Variants in ISLR2 observed in about 807,000 individuals in gnomAD.
The protein encoded by ISLR2 is immunoglobulin superfamily containing leucine-rich repeat protein 2.
In ISLR2, 16 loss-of-function variants were observed where a neutral mutation model predicts 25.5. That is an observed-to-expected ratio of 0.63 (90% CI 0.43 to 0.95). The LOEUF (loss-of-function observed/expected upper bound fraction) is 0.95. Ranked by LOEUF, ISLR2 falls within the 40% of genes least tolerant of loss-of-function variation. The pLI is 0.00. For missense variants in ISLR2, 883 were observed against 1,030.7 expected (o/e 0.86, Z 1.96); for synonymous variants, 508 against 486.6 (o/e 1.04, Z -0.58).
rs533474834 is a variant in ISLR2, at chr15:74,134,277, G to T, written c.1523G>T (p.Arg508Leu). The change falls in exon 3 of 3, where the codon CGC (arginine) becomes CTC (leucine). Residue 508 changes from arginine (R) to leucine (L), a missense_variant. Physicochemically the swap from Arg to Leu is moderately radical, Grantham distance 102. Coordinates refer to ENST00000453268, the MANE Select transcript of ISLR2 (RefSeq NM_020851.3). ...ARVQLTPLAA[R>L]WGPGPGGAGG... Reference sequence around the variant, plus strand: ...GTGCAGCTGACTCCGCTGGCTGCGCGCTGGGGCCCTGGGCCCGGCGGGGCT... The same window carrying T: ...GTGCAGCTGACTCCGCTGGCTGCGCTCTGGGGCCCTGGGCCCGGCGGGGCT... 5.0e-5 allele frequency: 77 copies of T among 1,553,340 alleles called. No homozygotes were observed. In the African/African-American group the frequency reaches 8.3e-4, roughly 17 times the overall value.
In ISLR2 at chr15:74,135,920, C is replaced by G. The variant is rs2072557802; in HGVS notation, c.*928C>G. 1 of 167,094 alleles carries G rather than the reference C, an allele frequency of 6.0e-6. No individual in the cohort carries two copies. Among genetic ancestry groups the G allele is most frequent in the Non-Finnish European group, 1.5e-5 (1 of 68,146 alleles). 10.4% of individuals were successfully genotyped at this position (167,094 alleles called of 1,614,324 possible). A position where few individuals can be genotyped will look rare whatever the true frequency, so the allele number is the denominator to read the frequency against. On this transcript the variant is annotated 3_prime_UTR_variant, in exon 3 of 3. Coordinates refer to ENST00000453268, the MANE Select transcript of ISLR2 (RefSeq NM_020851.3). The stretch of plus-strand genomic sequence containing the variant: ...TCCTTCTGTCCTCCCACCCCCACCC[C>G]ACTTCTGGCCAGTTGGAGTCCAGCC...
At chr15:74,103,898 T>A (rs1427704454) in exon 2 of ISLR2, 1 of 150,746 alleles carries the variant, frequency 6.6e-6, no homozygotes, top group African/African-American at 2.4e-5. Flanking sequence ...TGTGAAGAGG[T>A]GTCTTCTGCC....
chr15:74,115,367 C>T (rs530905267), intron 2 of ISLR2, among the ~76,000 whole-genome samples: 1 of 152,306 alleles, frequency 6.6e-6, no homozygotes, highest in South Asian at 2.1e-4. Context: ...GCAGTCACGA[C>T]ACAAAAACAC....
At chr15:74,102,608 G>A (rs2072088787) in intron 1 of ISLR2, among the ~76,000 whole-genome samples, 1 of 151,754 alleles carries the variant, frequency 6.6e-6, no homozygotes, top group African/African-American at 2.4e-5. Context: ...ATAGGACTGA[G>A]GTGGGGCCTG....
intron 2 of ISLR2, among the ~76,000 whole-genome samples, chr15:74,122,468 T>C (rs750162500): frequency 2.0e-5 from 3 of 152,346 alleles, no homozygotes; most frequent in Non-Finnish European, 4.4e-5. Flanking sequence ...CTGCCTCTCA[T>C]TGGGACAAAC....
chr15:74,105,582 G>A (rs1184587352), intron 2 of ISLR2, among the ~76,000 whole-genome samples: 1 of 133,740 alleles, frequency 7.5e-6, no homozygotes, highest in Non-Finnish European at 1.6e-5. Flanking sequence ...CAGTTTGGAA[G>A]GTGTGAGTCC....
chr15:74,111,751 T>C (rs1349754993), intron 2 of ISLR2, among the ~76,000 whole-genome samples: 2 of 152,202 alleles, frequency 1.3e-5, no homozygotes, highest in Non-Finnish European at 2.9e-5. Flanking sequence ...TTCCATTTTA[T>C]AATGTTCTTG....
intron 2 of ISLR2, among the ~76,000 whole-genome samples, chr15:74,119,469 A>G (rs766197660): frequency 3.3e-5 from 5 of 152,116 alleles, no homozygotes; most frequent in Non-Finnish European, 7.4e-5. Flanking sequence ...AACTGCTAGG[A>G]TTACGGGTGT....
rs941006290 is a variant in ISLR2 at position 74,134,293 on chromosome 15, C to T, written c.1539C>T (p.Pro513=). 49 of 1,539,930 alleles carry T rather than the reference C, an allele frequency of 3.2e-5. No individual in the cohort carries two copies. Among genetic ancestry groups the T allele is most frequent in the Non-Finnish European group, 4.2e-5 (48 of 1,143,598 alleles). The change falls in exon 3 of 3, where the codon CCC becomes CCT. Residue 513 remains proline (P), a synonymous_variant. Coordinates refer to ENST00000453268, the MANE Select transcript of ISLR2 (RefSeq NM_020851.3). The part of the protein sequence containing the change: ...TPLAARWGPG[P]GGAGGAPRPG... ...TGGCTGCGCGCTGGGGCCCTGGGCC[C>T]GGCGGGGCTGGCGGAGCCCCGCGAC...
chr15:74,112,143 C>T (rs1278806250), intron 2 of ISLR2, among the ~76,000 whole-genome samples: 7 of 152,106 alleles, frequency 4.6e-5, no homozygotes, highest in Admixed American at 3.9e-4. Flanking sequence ...TGATTGTATG[C>T]AGGTCTGGAA....
At chr15:74,128,429 C>G (rs1177724975), upstream of ISLR2, 1 of 456,206 alleles carries the variant, frequency 2.2e-6, no homozygotes, top group Non-Finnish European at 4.4e-6. Flanking sequence ...GCGTCCTTAA[C>G]CACCCCAGGA....
At position 74,135,094 on chromosome 15, in the gene ISLR2, A is replaced by C; in HGVS notation, c.*102A>C. 7.2e-7 allele frequency: 1 copy of C among 1,391,680 alleles called. No homozygotes were observed. Among genetic ancestry groups the C allele is most frequent in the Non-Finnish European group, 9.8e-7 (1 of 1,016,058 alleles). The allele number at this position is 1,391,680 out of a possible 1,614,324, so 86.2% of individuals were successfully genotyped here. A position where few individuals can be genotyped will look rare whatever the true frequency, so the allele number is the denominator to read the frequency against. The stretch of plus-strand genomic sequence containing the variant: ...CTTATGTCCCCCGTCCCCAACCTTC[A>C]CCTACTCCTCCCCCTTACTACTCCC... On this transcript the variant is annotated 3_prime_UTR_variant, in exon 3 of 3. Coordinates refer to ENST00000453268, the MANE Select transcript of ISLR2 (RefSeq NM_020851.3).
chr15:74,129,096 C>T (rs964709347), upstream of ISLR2: 2 of 455,738 alleles, frequency 4.4e-6, no homozygotes, highest in African/African-American at 2.0e-5. This position sits in a 1 kb window ranked among gnomAD's most constrained non-coding sequence, Gnocchi z 4.5. Flanking sequence ...CCCCATGGGT[C>T]GGCGGGGGGG....
In ISLR2 at chr15:74,132,176, G is replaced by C. The variant is rs1475260369; in HGVS notation, c.-8-571G>C. Among the ~76,000 whole-genome samples the C allele has an allele frequency of 3.9e-5, 6 of 152,216 alleles. No homozygotes were observed. Among genetic ancestry groups the C allele is most frequent in the African/African-American group, 1.4e-4 (6 of 41,462 alleles). ...TCCATGTCTGGGTGCATATGTGTTT[G>C]TGAGTTTAGGAAATGTGTTGTGAGC... On this transcript the variant is annotated intron_variant, in intron 2 of 2. Coordinates refer to ENST00000453268, the MANE Select transcript of ISLR2 (RefSeq NM_020851.3). This position sits in a 1 kb window ranked among gnomAD's most constrained non-coding sequence, Gnocchi z 4.3.
At chr15:74,100,667 T>C (rs936603285) in intron 1 of ISLR2, among the ~76,000 whole-genome samples, 1 of 128,812 alleles carries the variant, frequency 7.8e-6, no homozygotes, top group Non-Finnish European at 1.6e-5. Flanking sequence ...ATTAGAAATA[T>C]AAAGCTTAAT....
chr15:74,112,862 C>T (rs561616257), intron 2 of ISLR2, among the ~76,000 whole-genome samples: 1 of 142,052 alleles, frequency 7.0e-6, no homozygotes, highest in East Asian at 2.2e-4. Context: ...AGATCTCACT[C>T]TGTTGTCCAG....
chr15:74,131,584 A>C (rs543641629), intron 2 of ISLR2, among the ~76,000 whole-genome samples: 1 of 152,236 alleles, frequency 6.6e-6, no homozygotes, highest in South Asian at 2.1e-4. Flanking sequence ...TTAAGGTGTT[A>C]TGGGGAGGGG....
rs11072476 is a variant in ISLR2, at chr15:74,134,291, C to A, written c.1537C>A (p.Pro513Thr). The A allele has an allele frequency of 1.9e-6, 3 of 1,540,812 alleles. No individual in the cohort carries two copies. In the East Asian group the frequency reaches 7.3e-5, roughly 38 times the overall value. The change falls in exon 3 of 3, where the codon CCC becomes ACC. Residue 513 changes from proline (P) to threonine (T), a missense_variant. Physicochemically the swap from Pro to Thr is conservative, Grantham distance 38. Transcript: ENST00000453268. ...GCTGGCTGCGCGCTGGGGCCCTGGGCCCGGCGGGGCTGGCGGAGCCCCGCG... is the reference window on the plus strand; with the variant it reads ...GCTGGCTGCGCGCTGGGGCCCTGGGACCGGCGGGGCTGGCGGAGCCCCGCG... ...TPLAARWGPG[P>T]GGAGGAPRPG...
rs148615641 is a variant in ISLR2, at chr15:74,110,230, G to A, written n.228+6316G>A. 2.0e-4 allele frequency among the ~76,000 whole-genome samples: 30 copies of A among 152,296 alleles called. No individual in the cohort carries two copies. The East Asian group carries it at 3.1e-3, about 16-fold the overall frequency. On this transcript the variant is annotated intron_variant and non_coding_transcript_variant, in intron 2 of 3. Coordinates refer to the ISLR2 transcript ENST00000561975. ...CATAGTGGTAATATCAAATAATGGCGAGGATGCAGACAAAACTAACTCATA... is the reference window on the plus strand; with the variant it reads ...CATAGTGGTAATATCAAATAATGGCAAGGATGCAGACAAAACTAACTCATA...
Sources: gnomAD v4.1 joint callset for allele counts (sites outside exome capture counted in the v4.1 genomes callset) on GRCh38, gnomAD v4.1.1 for gene constraint, Gnocchi (gnomAD v3.1) non-coding constraint, MANE v1.5 for transcripts, NCBI Gene and HGNC (gene_info 2026-07-23, HGNC 2026-07-21) for gene names.